BRPF1: variants seen among roughly 807,000 people sequenced by gnomAD.
BRPF1 encodes the protein bromodomain and PHD finger containing 1, also known as peregrin.
BRPF1 carries 15 observed loss-of-function variants against 115.0 expected under a neutral mutation model. That is an observed-to-expected ratio of 0.13 (90% CI 0.09 to 0.20). The LOEUF (loss-of-function observed/expected upper bound fraction) is 0.20, where lower values mean the gene tolerates loss of function less well. BRPF1 is among the 10% of genes least tolerant of loss of function. BRPF1 has a pLI of 1.00. For synonymous variants in BRPF1, 647 were observed against 619.8 expected (o/e 1.04, Z -0.65); for missense variants, 1,118 against 1,638.3 (o/e 0.68, Z 5.48).
Position 9,740,960 on chromosome 3 carries a change from T to A in BRPF1, c.1722+19T>A. On this transcript the variant is annotated intron_variant, in intron 4 of 13. Coordinates refer to ENST00000383829, the MANE Select transcript of BRPF1 (RefSeq NM_001003694.2). ...AGTTGGGGTACTGTGTCCAGTTCCC[T>A]GTGGGCTCTGGGAACTAGCGCCAGG... is the stretch of plus-strand genomic sequence containing the variant. The A allele has an allele frequency of 6.2e-7, 1 of 1,603,048 alleles. No individual in the cohort carries two copies. The highest frequency in any genetic ancestry group is 2.2e-5 in the East Asian group (1 of 44,716).
chr3:9,736,708 T>C (rs1374402520), intron 2 of BRPF1, among the ~76,000 whole-genome samples: 1 of 152,270 alleles, frequency 6.6e-6, no homozygotes, highest in African/African-American at 2.4e-5. Flanking sequence ...ACAACTGAGA[T>C]GTGTATTGCA....
In BRPF1 at chr3:9,739,913, G is replaced by A. The variant is rs756445850; in HGVS notation, c.1514G>A (p.Arg505Gln). The change falls in exon 3 of 14, where the codon CGG becomes CAG. Residue 505 changes from arginine (R) to glutamine (Q), a missense_variant. Arg to Gln is a conservative substitution (Grantham distance 43). Coordinates refer to ENST00000383829, the MANE Select transcript of BRPF1 (RefSeq NM_001003694.2). Reference sequence around the variant, plus strand: ...GCACGGAAGATCCTGGCAGAGAAGCGGGCAGCAGCACCTGTGGTGTCAGTG... The same window carrying A: ...GCACGGAAGATCCTGGCAGAGAAGCAGGCAGCAGCACCTGTGGTGTCAGTG... Reference protein sequence around the residue: ...KKARKILAEKRAAAPVVSVPC... With the variant: ...KKARKILAEKQAAAPVVSVPC... 5 of 1,581,524 alleles carry A rather than the reference G, an allele frequency of 3.2e-6. No homozygotes were observed. Among genetic ancestry groups the A allele is most frequent in the East Asian group, 2.3e-5 (1 of 43,796 alleles).
In BRPF1 at chr3:9,740,948, T is replaced by G; in HGVS notation, c.1722+7T>G. On this transcript the variant is annotated splice_region_variant and intron_variant, in intron 4 of 13. Transcript: ENST00000383829. Reference sequence around the variant, plus strand: ...GAACTGTGACCAAGTTGGGGTACTGTGTCCAGTTCCCTGTGGGCTCTGGGA... The same window carrying G: ...GAACTGTGACCAAGTTGGGGTACTGGGTCCAGTTCCCTGTGGGCTCTGGGA... The G allele has an allele frequency of 6.2e-7, 1 of 1,608,566 alleles. No individual in the cohort carries two copies.
At chr3:9,742,437 C>G (rs2077046974) in intron 6 of BRPF1, 6 of 985,336 alleles carry the variant, frequency 6.1e-6, no homozygotes, top group Non-Finnish European at 7.2e-6. Flanking sequence ...CAGGAAGACA[C>G]TTTCGGGGTG....
chr3:9,734,561 A>G lies in BRPF1; in HGVS notation c.421A>G (p.Thr141Ala), dbSNP rs770727305. The G allele has an allele frequency of 5.6e-6, 9 of 1,614,070 alleles. No individual in the cohort carries two copies. The highest frequency in any genetic ancestry group is 1.7e-5 in the Admixed American group (1 of 59,996). The change falls in exon 2 of 14, where the codon ACA becomes GCA. Residue 141 changes from threonine (T) to alanine (A), a missense_variant. By Grantham distance (58) the Thr-to-Ala change is moderately conservative. Around this residue, in one of 10 missense-constraint regions of BRPF1, gnomAD observed 280 missense variants for 382.8 expected, o/e 0.73. Coordinates refer to ENST00000383829, the MANE Select transcript of BRPF1 (RefSeq NM_001003694.2). The surrounding 1 kb of genome is among the most constrained non-coding windows in gnomAD (Gnocchi z 5.7). ...TGGCAGCAACAAGGAGAACACTGAG[A>G]CACCAGCTGCTACTCCCAAGTCAGG... ...ENGSNKENTE[T>A]PAATPKSGKH...
At chr3:9,741,074 C>A in intron 4 of BRPF1, 133 bp downstream of exon 4, 2 of 1,083,360 alleles carry the variant, frequency 1.8e-6, no homozygotes, top group Non-Finnish European at 2.6e-6. Context: ...AAACCAGGAT[C>A]AGCATGGAAT....
chr3:9,743,810 G>T lies in BRPF1; in HGVS notation c.2544G>T (p.Arg848=). The T allele has an allele frequency of 6.2e-7, 1 of 1,611,482 alleles. No homozygotes were observed. Residue 848 remains arginine, a synonymous_variant, in exon 8 of 14, where the codon CGG becomes CGT. Transcript: ENST00000383829. The surrounding 1 kb of genome is among the most constrained non-coding windows in gnomAD (Gnocchi z 6.1). The part of the protein sequence containing the change: ...DGPERHGPSS[R]GSLTPHPAAC... Reference sequence around the variant, plus strand: ...CTGAGCGGCATGGCCCCTCGAGCCGGGGTAGTCTGACACCCCACCCGGCAG... The same window carrying T: ...CTGAGCGGCATGGCCCCTCGAGCCGTGGTAGTCTGACACCCCACCCGGCAG...
At chr3:9,742,218 A>T in intron 6 of BRPF1, 47 bp downstream of exon 6, 1 of 1,604,692 alleles carries the variant, frequency 6.2e-7, no homozygotes, top group South Asian at 1.1e-5. Context: ...TTCCTCTCCC[A>T]GTTGGACCCC....
chr3:9,736,676 G>C (rs1451414874), intron 2 of BRPF1, among the ~76,000 whole-genome samples: 1 of 152,242 alleles, frequency 6.6e-6, no homozygotes, highest in Admixed American at 6.5e-5. Flanking sequence ...CAGGGGAGCA[G>C]TTCTCAGCAG....
intron 12 of BRPF1, 103 bp downstream of exon 12, chr3:9,746,033 T>C: frequency 7.4e-7 from 1 of 1,359,408 alleles, no homozygotes; most frequent in Non-Finnish European, 1.0e-6. Context: ...GCACAGAGTT[T>C]CTTGGTAAGG....
intron 2 of BRPF1, among the ~76,000 whole-genome samples, chr3:9,736,004 A>ATTTTTTTTTTTTTTTTTTTTTTTTTTTTT (rs34061910): frequency 1.1e-5 from 1 of 89,268 alleles, no homozygotes. Context: ...TTAAACCTCC[A>ATTTTTTTTTTTTTTTTTTTTTTTTTTTTT]TTTTTTTTTT....
intron 5 of BRPF1, among the ~76,000 whole-genome samples, 197 bp downstream of exon 5, chr3:9,741,636 C>CAAAAAA: frequency 1.1e-5 from 1 of 89,238 alleles, no homozygotes; most frequent in Non-Finnish European, 2.2e-5. Flanking sequence ...GACTCCGTCT[C>CAAAAAA]AAAAAAAAAA....
intron 8 of BRPF1, 142 bp downstream of exon 8, chr3:9,744,043 C>T (rs2077079410): frequency 1.4e-5 from 18 of 1,289,404 alleles, no homozygotes; most frequent in Non-Finnish European, 1.9e-5. Context: ...AATCAGGGGC[C>T]TCTTAGCTGC....
rs753555726 is a variant in BRPF1 at position 9,743,830 on chromosome 3, C to T, written c.2564C>T (p.Pro855Leu). Reference protein sequence around the residue: ...PSSRGSLTPHPAACDKDGQTD... With the variant: ...PSSRGSLTPHLAACDKDGQTD... The stretch of plus-strand genomic sequence containing the variant: ...AGCCGGGGTAGTCTGACACCCCACC[C>T]GGCAGCCTGTGACAAGGATGGGCAG... The change falls in exon 8 of 14, where the codon CCG becomes CTG. Residue 855 changes from proline to leucine, a missense_variant. Transcript: ENST00000383829. This position sits in a 1 kb window ranked among gnomAD's most constrained non-coding sequence, Gnocchi z 6.1. 9.3e-6 allele frequency: 15 copies of T among 1,607,760 alleles called. No individual in the cohort carries two copies. The highest frequency in any genetic ancestry group is 5.3e-5 in the African/African-American group (4 of 74,850).
At chr3:9,744,189 C>T (rs1446173055) in intron 8 of BRPF1, 35 bp from the exon 9 acceptor site, 4 of 1,511,470 alleles carry the variant, frequency 2.6e-6, no homozygotes, top group Non-Finnish European at 2.7e-6. Flanking sequence ...AATCAGGCCC[C>T]TCACCAACTC....
chr3:9,735,849 G>A (rs1242810262), intron 2 of BRPF1, among the ~76,000 whole-genome samples: 1 of 151,932 alleles, frequency 6.6e-6, no homozygotes, highest in Non-Finnish European at 1.5e-5. Context: ...TGGCATCCAA[G>A]GCAAAAAAGG....
chr3:9,740,737 T>G lies in BRPF1; in HGVS notation c.1560-42T>G, dbSNP rs2077014700. ...GAGACCCTTGCTCTGCTTAAGAGAA[T>G]CAGGGCCCAACAAGTTTTACTCTTT... On this transcript the variant is annotated intron_variant, in intron 3 of 13. Transcript: ENST00000383829. 3 of 1,607,066 alleles carry G rather than the reference T, an allele frequency of 1.9e-6. No individual in the cohort carries two copies. In the South Asian group the frequency reaches 3.3e-5, roughly 18 times the overall value.
Position 9,746,372 on chromosome 3 carries a change from G to T in BRPF1, c.3397G>T (p.Val1133Leu). Residue 1133 changes from valine (V) to leucine (L), a missense_variant, in exon 13 of 14, where the codon GTG becomes TTG. Coordinates refer to ENST00000383829, the MANE Select transcript of BRPF1 (RefSeq NM_001003694.2). ...TCCCATCCCTGTGCCCCCACTGGAG[G>T]TGCTGAAACTTGGGGAGCAGATGAC... ...GVPIPVPPLE[V>L]LKLGEQMTQE... The T allele has an allele frequency of 6.2e-7, 1 of 1,609,736 alleles. No individual in the cohort carries two copies. Among genetic ancestry groups the T allele is most frequent in the Non-Finnish European group, 8.5e-7 (1 of 1,176,928 alleles).
rs2076909257 is a variant in BRPF1, at chr3:9,734,568, C to T, written c.428C>T (p.Ala143Val). The change falls in exon 2 of 14, where the codon GCT (alanine) becomes GTT (valine). Residue 143 changes from alanine to valine, a missense_variant. Physicochemically the swap from Ala to Val is moderately conservative, Grantham distance 64. Transcript: ENST00000383829. This position sits in a 1 kb window ranked among gnomAD's most constrained non-coding sequence, Gnocchi z 5.7. Reference protein sequence around the residue: ...GSNKENTETPAATPKSGKHKN... With the variant: ...GSNKENTETPVATPKSGKHKN... ...AACAAGGAGAACACTGAGACACCAG[C>T]TGCTACTCCCAAGTCAGGCAAACAT... The T allele has an allele frequency of 1.2e-6, 2 of 1,614,056 alleles. No individual in the cohort carries two copies. The highest frequency in any genetic ancestry group is 1.7e-5 in the Admixed American group (1 of 59,998).
Sources: gnomAD v4.1 joint callset for allele counts (sites outside exome capture counted in the v4.1 genomes callset) on GRCh38, gnomAD v4.1.1 for gene constraint, gnomAD v4.1.1 regional missense constraint, Gnocchi (gnomAD v3.1) non-coding constraint, MANE v1.5 for transcripts, NCBI Gene and HGNC (gene_info 2026-07-23, HGNC 2026-07-21) for gene names.